GCDH: variants seen among roughly 807,000 people sequenced by gnomAD.
GCDH encodes glutaryl-CoA dehydrogenase, mitochondrial.
GCDH carries 31 observed loss-of-function variants against 52.8 expected under a neutral mutation model. That is an observed-to-expected ratio of 0.59 (90% CI 0.44 to 0.79). GCDH has a LOEUF of 0.79. Among genes scored for constraint, GCDH ranks in the 30% least tolerant of loss-of-function variants. The pLI, the probability that GCDH is intolerant of heterozygous loss-of-function variation, is 0.00. For missense variants in GCDH, 509 were observed against 595.0 expected, an observed-to-expected ratio of 0.86 and a Z score of 1.50; for synonymous variants, 242 against 250.0, an observed-to-expected ratio of 0.97 and a Z score of 0.30.
chr19:12,899,241 T>C (rs1246837367), intron 11 of GCDH: 5 of 1,121,470 alleles, frequency 4.5e-6, no homozygotes, highest in Non-Finnish European at 6.8e-6. Flanking sequence ...CCAAGATGCA[T>C]TATAGAACCA....
Position 12,896,188 on chromosome 19 carries a change from G to C in GCDH, c.636-17G>C, listed in dbSNP as rs753276983. On this transcript the variant is annotated splice_polypyrimidine_tract_variant and intron_variant, in intron 7 of 11. Coordinates refer to ENST00000222214, the MANE Select transcript of GCDH (RefSeq NM_000159.4). The surrounding 1 kb of genome is among the most constrained non-coding windows in gnomAD (Gnocchi z 5.5). ...AGGGGCACTGGTCAGACCCCTCACC[G>C]ACTGTTCCATCCCCAGGATCACGAA... The C allele has an allele frequency of 1.9e-6, 3 of 1,613,936 alleles. No homozygotes were observed. Among genetic ancestry groups the C allele is most frequent in the Admixed American group, 1.7e-5 (1 of 59,994 alleles).
Position 12,896,072 on chromosome 19 carries a change from C to T in GCDH, c.586C>T (p.His196Tyr). Residue 196 changes from histidine (H) to tyrosine (Y), a missense_variant, in exon 7 of 12, where the codon CAC becomes TAC. His to Tyr is a moderately conservative substitution (Grantham distance 83, BLOSUM62 2). Transcript: ENST00000222214. The surrounding 1 kb of genome is among the most constrained non-coding windows in gnomAD (Gnocchi z 5.5). ...CCCCAGCAGCATGGAGACCAGAGCCCACTACAACTCATCCAACAAGAGCTA... is the reference window on the plus strand; with the variant it reads ...CCCCAGCAGCATGGAGACCAGAGCCTACTACAACTCATCCAACAAGAGCTA... ...SDPSSMETRAHYNSSNKSYTL... is the reference protein window; with the variant it reads ...SDPSSMETRAYYNSSNKSYTL... The T allele has an allele frequency of 1.2e-6, 2 of 1,614,056 alleles. No homozygotes were observed. Among genetic ancestry groups the T allele is most frequent in the South Asian group, 1.1e-5 (1 of 91,080 alleles).
Position 12,897,432 on chromosome 19 carries a change from G to T in GCDH, c.1082+4G>T. 6.2e-7 allele frequency: 1 copy of T among 1,613,454 alleles called. No individual in the cohort carries two copies. The highest frequency in any genetic ancestry group is 8.5e-7 in the Non-Finnish European group (1 of 1,179,870). ...GCCGCTTGAAGGACCAGGACAAGTA[G>T]GGGCTGTGTGGTGGGGGCGGGGGGA... is the stretch of plus-strand genomic sequence containing the variant. On this transcript the variant is annotated splice_donor_region_variant and intron_variant, in intron 10 of 11. Transcript: ENST00000222214.
At chr19:12,891,749 T>C (rs2242517) in intron 3 of GCDH, 82 bp from the exon 4 acceptor site, 10 of 1,605,114 alleles carry the variant, frequency 6.2e-6, no homozygotes, top group Non-Finnish European at 7.6e-6. Context: ...ACATGGGTGT[T>C]GGGGGGTAGG....
In GCDH at chr19:12,892,075, C is replaced by T. The variant is rs751838269; in HGVS notation, c.272-41C>T. On this transcript the variant is annotated intron_variant, in intron 4 of 11. Transcript: ENST00000222214. ...TCCTTGGGGCTGGGGCTTCCTGTGG[C>T]CTAGGCCTGGGCCTGAATTTGGGCA... 3.1e-6 allele frequency: 5 copies of T among 1,613,230 alleles called. No homozygotes were observed. In the South Asian group the frequency reaches 3.3e-5, roughly 11 times the overall value.
At position 12,897,186 on chromosome 19, in the gene GCDH, C is replaced by T; in HGVS notation, c.957-117C>T. The T allele has an allele frequency of 7.2e-7, 1 of 1,382,508 alleles. No individual in the cohort carries two copies. The highest frequency in any genetic ancestry group is 1.0e-6 in the Non-Finnish European group (1 of 991,538). The allele number at this position is 1,382,508 out of a possible 1,614,324, so 85.6% of individuals were successfully genotyped here. ...GGCTGAGTCAACGGCAGGGCCAGGG[C>T]AAGCTTGGGGGCACTGAGGCAGCCT... On this transcript the variant is annotated intron_variant, in intron 9 of 11. Transcript: ENST00000222214.
Position 12,897,743 on chromosome 19 carries a change from T to C in GCDH, c.1123T>C (p.Cys375Arg), listed in dbSNP as rs1348974766. The stretch of plus-strand genomic sequence containing the variant: ...GGTTTCTCTGCTGAAGAGGAATAAC[T>C]GTGGGAAAGCCCTGGACATCGCCCG... Reference protein sequence around the residue: ...EMVSLLKRNNCGKALDIARQA... With the variant: ...EMVSLLKRNNRGKALDIARQA... Residue 375 changes from cysteine to arginine, a missense_variant, in exon 11 of 12, where the codon TGT becomes CGT. Cys to Arg is a radical substitution (Grantham distance 180, BLOSUM62 -3). Transcript: ENST00000222214. 1.2e-6 allele frequency: 2 copies of C among 1,613,730 alleles called. No individual in the cohort carries two copies. The highest frequency in any genetic ancestry group is 2.7e-5 in the African/African-American group (2 of 74,786).
At chr19:12,893,826 C>A in intron 6 of GCDH, 173 bp downstream of exon 6, 2 of 686,520 alleles carry the variant, frequency 2.9e-6, no homozygotes, top group Non-Finnish European at 2.6e-6. Context: ...CCCTGGCCAG[C>A]CTGACTGTCC....
Position 12,896,416 on chromosome 19 carries a change from C to A in GCDH, c.847C>A (p.Leu283Met). 2 of 1,612,422 alleles carry A rather than the reference C, an allele frequency of 1.2e-6. No homozygotes were observed. The highest frequency in any genetic ancestry group is 1.1e-5 in the South Asian group (1 of 90,934). ...EENVLPGASSLGGPFGCLNNA... is the reference protein window; with the variant it reads ...EENVLPGASSMGGPFGCLNNA... ...GAATGTGCTCCCTGGTGCATCCAGC[C>A]TGGGGGTAAGTGGCAGCCACTTTGG... Residue 283 changes from leucine (L) to methionine (M), a missense_variant, in exon 8 of 12, where the codon CTG becomes ATG. Leu to Met is a conservative substitution (Grantham distance 15, BLOSUM62 2). Transcript: ENST00000222214. The surrounding 1 kb of genome is among the most constrained non-coding windows in gnomAD (Gnocchi z 5.5).
intron 6 of GCDH, among the ~76,000 whole-genome samples, chr19:12,895,743 C>G (rs1286488038): frequency 6.8e-6 from 1 of 148,134 alleles, no homozygotes; most frequent in Non-Finnish European, 1.5e-5. Flanking sequence ...TCCTGAGTAG[C>G]TGGGATTACA....
chr19:12,891,754 G>A, intron 3 of GCDH, 77 bp from the exon 4 acceptor site: 1 of 1,607,748 alleles, frequency 6.2e-7, no homozygotes. Flanking sequence ...GGTGTTGGGG[G>A]GTAGGGCTGA....
chr19:12,897,160 G>A (rs1324133996), intron 9 of GCDH, 143 bp from the exon 10 acceptor site: 6 of 1,242,720 alleles, frequency 4.8e-6, no homozygotes, highest in Non-Finnish European at 6.9e-6. Flanking sequence ...GAGCAGCTGT[G>A]GGCTGAGTCA....
At chr19:12,893,435 C>T in intron 5 of GCDH, 48 bp from the exon 6 acceptor site, 1 of 1,534,752 alleles carries the variant, frequency 6.5e-7, no homozygotes, top group Non-Finnish European at 9.0e-7. Context: ...CTTAGCTGGG[C>T]AGGGCCCTGT....
At chr19:12,892,086 G>C in intron 4 of GCDH, 30 bp from the exon 5 acceptor site, 1 of 1,613,892 alleles carries the variant, frequency 6.2e-7, no homozygotes, top group Non-Finnish European at 8.5e-7. Flanking sequence ...CTAGGCCTGG[G>C]CCTGAATTTG....
chr19:12,897,629 C>A, intron 10 of GCDH, 74 bp from the exon 11 acceptor site: 1 of 1,577,946 alleles, frequency 6.3e-7, no homozygotes, highest in Non-Finnish European at 8.7e-7. Flanking sequence ...GAATCCCCAC[C>A]CCGGGCTAGG....
chr19:12,891,321 T>C lies in GCDH; in HGVS notation c.17T>C (p.Val6Ala). 1 of 1,609,664 alleles carries C rather than the reference T, an allele frequency of 6.2e-7. No individual in the cohort carries two copies. Among genetic ancestry groups the C allele is most frequent in the Non-Finnish European group, 8.5e-7 (1 of 1,179,874 alleles). The change falls in exon 2 of 12, where the codon GTC becomes GCC. Residue 6 changes from valine (V) to alanine (A), a missense_variant. By Grantham distance (64) the Val-to-Ala change is moderately conservative. Transcript: ENST00000222214. ...TGAGAGAGCATGGCCCTGAGAGGCG[T>C]CTCCGTGCGGCTGCTGAGCCGCGGA... is the stretch of plus-strand genomic sequence containing the variant. Reference protein sequence around the residue: MALRGVSVRLLSRGPG... With the variant: MALRGASVRLLSRGPG...
chr19:12,895,542 T>C (rs140880254), intron 6 of GCDH, among the ~76,000 whole-genome samples: 6 of 152,052 alleles, frequency 3.9e-5, no homozygotes, highest in Non-Finnish European at 8.8e-5. Context: ...ATTACATGTG[T>C]GAGCCACCTC....
At chr19:12,893,457 C>T (rs1475606737) in intron 5 of GCDH, 26 bp from the exon 6 acceptor site, 1 of 1,609,284 alleles carries the variant, frequency 6.2e-7, no homozygotes, top group East Asian at 2.2e-5. Flanking sequence ...CTCTATTGTC[C>T]TGCTTTCCCC....
Position 12,893,552 on chromosome 19 carries a change from G to A in GCDH, c.404G>A (p.Ser135Asn). 1 of 1,613,946 alleles carries A rather than the reference G, an allele frequency of 6.2e-7. No homozygotes were observed. Among genetic ancestry groups the A allele is most frequent in the Non-Finnish European group, 8.5e-7 (1 of 1,179,840 alleles). Reference sequence around the variant, plus strand: ...GCCCGAGAGCTGGAGCGGGTGGACAGTGGCTACAGGTCGGCGATGAGTGTC... The same window carrying A: ...GCCCGAGAGCTGGAGCGGGTGGACAATGGCTACAGGTCGGCGATGAGTGTC... ...LLARELERVDSGYRSAMSVQS... is the reference protein window; with the variant it reads ...LLARELERVDNGYRSAMSVQS... Residue 135 changes from serine (S) to asparagine (N), a missense_variant, in exon 6 of 12, where the codon AGT becomes AAT. By Grantham distance (46) the Ser-to-Asn change is conservative. Coordinates refer to ENST00000222214, the MANE Select transcript of GCDH (RefSeq NM_000159.4).
Sources: gnomAD v4.1 joint callset for allele counts (sites outside exome capture counted in the v4.1 genomes callset) on GRCh38, gnomAD v4.1.1 for gene constraint, Gnocchi (gnomAD v3.1) non-coding constraint, MANE v1.5 for transcripts, NCBI Gene and HGNC (gene_info 2026-07-23, HGNC 2026-07-21) for gene names.